The following LRRC49 variants were observed in gnomAD, a reference collection of about 807,000 sequenced individuals.
LRRC49 encodes the protein leucine rich repeat containing 49.
A neutral mutation model predicts 83.3 loss-of-function variants in LRRC49; 50 were observed. That is an observed-to-expected ratio of 0.60 (90% confidence interval 0.48 to 0.76). The LOEUF is 0.76. Among genes scored for constraint, LRRC49 ranks in the 30% least tolerant of loss-of-function variants. The pLI, the probability that LRRC49 is intolerant of heterozygous loss-of-function variation, is 0.00. For synonymous variants in LRRC49, 286 were observed against 283.3 expected (o/e 1.01, Z -0.10); for missense variants, 704 against 809.1 (o/e 0.87, Z 1.58).
intron 1 of LRRC49, among the ~76,000 whole-genome samples, chr15:70,864,500 AC>A (rs1180175578): frequency 6.6e-6 from 1 of 151,950 alleles, no homozygotes; most frequent in Non-Finnish European, 1.5e-5. Context: ...CTGCCTTTCC[AC>A]CCTCATCTCA....
chr15:70,892,335 C>T (rs2033616671), upstream of LRRC49: 1 of 1,549,234 alleles, frequency 6.5e-7, no homozygotes, highest in African/African-American at 1.4e-5. Flanking sequence ...GCACGCTCCT[C>T]GCAGCGGCCT....
chr15:70,952,044 C>T (rs2036234359), intron 8 of LRRC49, among the ~76,000 whole-genome samples: 1 of 152,014 alleles, frequency 6.6e-6, no homozygotes, highest in African/African-American at 2.4e-5. Flanking sequence ...ATTATGAATT[C>T]AGTTTATGTG....
chr15:70,892,517 A>T (rs939480553), upstream of LRRC49: 13 of 1,521,252 alleles, frequency 8.5e-6, no homozygotes, highest in South Asian at 1.1e-4. Context: ...ACACAAGCAG[A>T]GGGATACAAA....
At chr15:70,862,306 C>T (rs554670283) in intron 1 of LRRC49, among the ~76,000 whole-genome samples, 11 of 152,020 alleles carry the variant, frequency 7.2e-5, no homozygotes, top group African/African-American at 2.4e-4. Context: ...TGGCCGGGCG[C>T]GGTGGCTCAC....
At chr15:71,009,680 G>T in intron 12 of LRRC49, 127 bp from the exon 13 acceptor site, 1 of 592,414 alleles carries the variant, frequency 1.7e-6, no homozygotes, top group South Asian at 2.9e-5. Context: ...TAATGTAATT[G>T]AAAACATATT....
At chr15:70,973,012 C>A (rs2037069510) in intron 9 of LRRC49, among the ~76,000 whole-genome samples, 1 of 152,090 alleles carries the variant, frequency 6.6e-6, no homozygotes, top group African/African-American at 2.4e-5. Context: ...CATTCTCCAT[C>A]CAGTTTTGTT....
At chr15:70,944,618 T>A (rs922339589) in intron 8 of LRRC49, among the ~76,000 whole-genome samples, 6 of 152,202 alleles carry the variant, frequency 3.9e-5, no homozygotes, top group African/African-American at 7.2e-5. Context: ...TTGGCCATGC[T>A]GGTCTCAAAC....
intron 14 of LRRC49, among the ~76,000 whole-genome samples, chr15:71,022,444 G>T (rs2039023653): frequency 2.0e-5 from 3 of 152,222 alleles, no homozygotes; most frequent in Admixed American, 2.0e-4. Flanking sequence ...ACTATATGTT[G>T]TTTACAAGAG....
At chr15:70,893,458 C>A in intron 1 of LRRC49, 126 bp from the exon 2 acceptor site, 1 of 665,582 alleles carries the variant, frequency 1.5e-6, no homozygotes, top group South Asian at 1.7e-5. Flanking sequence ...AGATCATTTA[C>A]CAGAAACAGA....
Position 70,914,577 on chromosome 15 carries a change from C to A in LRRC49, c.567+2979C>A, listed in dbSNP as rs1253698649. Reference sequence around the variant, plus strand: ...TAGCAATAAGGATATGATAAGGGGGCAGATTGGATAAATATTTAAAAAGTA... The same window carrying A: ...TAGCAATAAGGATATGATAAGGGGGAAGATTGGATAAATATTTAAAAAGTA... On this transcript the variant is annotated intron_variant, in intron 6 of 15. Transcript: ENST00000260382. Among the ~76,000 whole-genome samples the A allele has an allele frequency of 1.1e-4, 16 of 152,048 alleles. No homozygotes were observed. In the East Asian group the frequency reaches 3.1e-3, roughly 29 times the overall value.
intron 11 of LRRC49, among the ~76,000 whole-genome samples, chr15:70,990,053 C>T (rs1436893141): frequency 6.6e-6 from 1 of 152,174 alleles, no homozygotes; most frequent in Non-Finnish European, 1.5e-5. Flanking sequence ...TGGGGGGTGC[C>T]TCCCAGTTAG....
intron 2 of LRRC49, among the ~76,000 whole-genome samples, chr15:70,880,746 G>C (rs1482272258): frequency 6.6e-6 from 1 of 152,278 alleles, no homozygotes; most frequent in Admixed American, 6.5e-5. Flanking sequence ...TGTTGACATG[G>C]CTGTCAAAAC....
intron 6 of LRRC49, 86 bp downstream of exon 6, chr15:70,911,684 G>A: frequency 1.3e-6 from 1 of 798,758 alleles, no homozygotes; most frequent in Non-Finnish European, 2.0e-6. Flanking sequence ...TACTCGCATT[G>A]AATTTTTCAA....
Position 71,008,485 on chromosome 15 carries a change from C to G in LRRC49, c.1276C>G (p.Leu426Val). The G allele has an allele frequency of 6.2e-7, 1 of 1,612,860 alleles. No homozygotes were observed. The highest frequency in any genetic ancestry group is 2.2e-5 in the East Asian group (1 of 44,796). ...ACTTTCCCTATATGGCTCAGGAGCA[C>G]TGGAATCTCTGGATAGGAATTGGAG... ...DTLSLYGSGALESLDRNWSVQ... is the reference protein window; with the variant it reads ...DTLSLYGSGAVESLDRNWSVQ... The change falls in exon 12 of 16, where the codon CTG (leucine) becomes GTG (valine). Residue 426 changes from leucine to valine, a missense_variant. This residue lies in a region of LRRC49 where 275 missense variants were observed against 338.0 expected (regional missense o/e 0.81). Coordinates refer to ENST00000260382, the MANE Select transcript of LRRC49 (RefSeq NM_017691.5).
At chr15:70,938,112 T>C (rs1051904790) in intron 8 of LRRC49, among the ~76,000 whole-genome samples, 2 of 152,132 alleles carry the variant, frequency 1.3e-5, no homozygotes, top group Non-Finnish European at 2.9e-5. Flanking sequence ...TTCTTGTTTA[T>C]GGGGAGTAAT....
At position 70,959,586 on chromosome 15, in the gene LRRC49, GAA is replaced by G. The variant is rs1271964176; in HGVS notation, c.774-4198_774-4197del. ...GGAAGGAAGGAAGGAAGGAAGGAAG[GAA>G]GGAAGGAAGGAAGGGAGGGAAATTC... On this transcript the variant is annotated intron_variant, in intron 8 of 15. Transcript: ENST00000260382. Among the ~76,000 whole-genome samples, 37 of 140,810 alleles carry G rather than the reference GAA, an allele frequency of 2.6e-4. 2 individuals are homozygous for G. The highest frequency in any genetic ancestry group is 7.2e-4 in the South Asian group (3 of 4,186). 92.4% of individuals were successfully genotyped at this position (140,810 alleles called of 152,430 possible). A position where few individuals can be genotyped will look rare whatever the true frequency, so the allele number is the denominator to read the frequency against.
At chr15:70,857,795 T>C (rs2032688707) in intron 1 of LRRC49, among the ~76,000 whole-genome samples, 1 of 152,210 alleles carries the variant, frequency 6.6e-6, no homozygotes, top group Non-Finnish European at 1.5e-5. Flanking sequence ...AGCTCACACA[T>C]AAGCAGCAGG....
At chr15:70,954,201 C>T (rs1247006119) in intron 8 of LRRC49, among the ~76,000 whole-genome samples, 1 of 152,142 alleles carries the variant, frequency 6.6e-6, no homozygotes, top group African/African-American at 2.4e-5. Flanking sequence ...GGCCAAGCTG[C>T]CAGATTCTTT....
intron 11 of LRRC49, among the ~76,000 whole-genome samples, chr15:71,005,177 T>G (rs1165538449): frequency 1.3e-5 from 2 of 152,314 alleles, no homozygotes; most frequent in East Asian, 1.9e-4. Context: ...CCTTCTTCAT[T>G]CTGTTTTCCC....
Sources: allele counts gnomAD v4.1 joint callset (sites outside exome capture counted in the v4.1 genomes callset), GRCh38; gene constraint gnomAD v4.1.1; regional missense constraint gnomAD v4.1.1; transcripts MANE v1.5; gene names NCBI Gene and HGNC (gene_info 2026-07-23, HGNC 2026-07-21).